WNT8A: variants seen among roughly 807,000 people sequenced by gnomAD.
WNT8A encodes the protein protein Wnt-8a.
In WNT8A, 14 loss-of-function variants were observed where a neutral mutation model predicts 20.5. That is an observed-to-expected ratio of 0.68 (90% CI 0.45 to 1.07). The LOEUF is 1.07. Ranked by LOEUF, WNT8A falls within the 50% of genes least tolerant of loss-of-function variation. The probability of loss-of-function intolerance (pLI) is 0.00; values close to 1 mark genes in which losing one functional copy is unlikely to be tolerated. For synonymous variants in WNT8A, 167 were observed against 169.2 expected (o/e 0.99, Z 0.10); for missense variants, 397 against 462.9 (o/e 0.86, Z 1.31).
At chr5:138,083,836 T>A, upstream of WNT8A, 1 of 423,790 alleles carries the variant, frequency 2.4e-6, no homozygotes, top group Non-Finnish European at 4.2e-6. Context: ...CTTCTCATTC[T>A]GGGAGGGAAG....
chr5:138,091,597 C>T (rs903408655), downstream of WNT8A: 4 of 892,240 alleles, frequency 4.5e-6, no homozygotes, highest in Non-Finnish European at 6.1e-6. Context: ...TTTTTTATCC[C>T]CCAAGTATGC....
intron 4 of WNT8A, among the ~76,000 whole-genome samples, chr5:138,090,011 G>T (rs146444316): frequency 2.6e-5 from 4 of 152,198 alleles, no homozygotes; most frequent in Non-Finnish European, 1.5e-5. Flanking sequence ...CATTGCCTTG[G>T]GGGTATAAGT....
At chr5:138,092,278 G>GT (rs1334057156), downstream of WNT8A, 1 of 152,198 alleles carries the variant, frequency 6.6e-6, no homozygotes, top group African/African-American at 2.4e-5. Flanking sequence ...TGTTTGGCAG[G>GT]TAACAAAAAA....
chr5:138,084,031 T>C (rs1198268791), upstream of WNT8A: 9 of 1,528,832 alleles, frequency 5.9e-6, no homozygotes, highest in Non-Finnish European at 8.1e-6. Flanking sequence ...CCCTGCCCTC[T>C]CCTCACTTCT....
rs1750831173 is a variant in WNT8A at position 138,090,949 on chromosome 5, G to C, written c.986G>C (p.Ser329Thr). 9.9e-6 allele frequency: 16 copies of C among 1,614,208 alleles called. No homozygotes were observed. The highest frequency in any genetic ancestry group is 1.4e-5 in the Non-Finnish European group (16 of 1,180,036). ...GAGAGGAAAACTGAGGTCATAAGCA[G>C]CTGTAACTGCAAATTCCAGTGGTGC... ...VEERKTEVISSCNCKFQWCCT... is the reference protein window; with the variant it reads ...VEERKTEVISTCNCKFQWCCT... Residue 329 changes from serine (S) to threonine (T), a missense_variant, in exon 5 of 5, where the codon AGC becomes ACC. Ser to Thr is a moderately conservative substitution (Grantham distance 58). Coordinates refer to ENST00000506684, the MANE Select transcript of WNT8A (RefSeq NM_001300939.2).
At chr5:138,083,158 G>C (rs1192165819), upstream of WNT8A, among the ~76,000 whole-genome samples, 1 of 151,914 alleles carries the variant, frequency 6.6e-6, no homozygotes, top group African/African-American at 2.4e-5. Context: ...GCTGGCACCT[G>C]TAGTCTCAGA....
intron 2 of WNT8A, among the ~76,000 whole-genome samples, chr5:138,086,927 T>G (rs938485507): frequency 1.4e-5 from 2 of 148,126 alleles, no homozygotes; most frequent in African/African-American, 5.0e-5. Context: ...GCACCTATAG[T>G]CCCAGCTACT....
intron 2 of WNT8A, among the ~76,000 whole-genome samples, chr5:138,086,879 C>CAA (rs35287315): frequency 8.3e-6 from 1 of 120,506 alleles, no homozygotes; most frequent in Non-Finnish European, 1.7e-5. Flanking sequence ...TACTAAAGAC[C>CAA]AAAAAAAAAA....
chr5:138,084,692 C>T (rs1479506202), intron 2 of WNT8A, 56 bp downstream of exon 2: 2 of 1,528,566 alleles, frequency 1.3e-6, no homozygotes, highest in Non-Finnish European at 1.8e-6. Context: ...TGGAGTGGGG[C>T]TTGCAGTATG....
In WNT8A at chr5:138,090,041, C is replaced by T. The variant is rs552435876; in HGVS notation, c.565-487C>T. ...ATAAGTGTTCAGACTCAAGGAGCTCCCTCCCCTCTCAGAGAAGACCCAGAG... is the reference window on the plus strand; with the variant it reads ...ATAAGTGTTCAGACTCAAGGAGCTCTCTCCCCTCTCAGAGAAGACCCAGAG... On this transcript the variant is annotated intron_variant, in intron 4 of 4. Transcript: ENST00000506684. 2.0e-5 allele frequency among the ~76,000 whole-genome samples: 3 copies of T among 152,238 alleles called. No individual in the cohort carries two copies. In the South Asian group the frequency reaches 6.2e-4, roughly 32 times the overall value.
intron 2 of WNT8A, 144 bp downstream of exon 2, chr5:138,084,780 G>C: frequency 8.7e-7 from 1 of 1,155,896 alleles, no homozygotes. Flanking sequence ...TCCTTGCTGT[G>C]TGGCCTTGAG....
At chr5:138,088,359 CT>C (rs36126596) in intron 3 of WNT8A, among the ~76,000 whole-genome samples, 314 of 140,520 alleles carry the variant, frequency 2.2e-3, no homozygotes, top group Middle Eastern at 0.015. Context: ...TGCAGTGAAC[CT>C]TTTTTTTTTT....
the WNT8A span, among the ~76,000 whole-genome samples, chr5:138,078,139 G>A: frequency 1.2e-3 from 188 of 152,114 alleles, 4 homozygotes; most frequent in Middle Eastern, 0.01. Context: ...CCAAAGGGAG[G>A]GTCAGGAGCT....
upstream of WNT8A, among the ~76,000 whole-genome samples, chr5:138,080,197 C>T (rs1750466015): frequency 6.6e-6 from 1 of 151,744 alleles, no homozygotes. Context: ...GAGGCGAGCA[C>T]CTGTAATCCC....
At chr5:138,087,182 C>A (rs1228850743) in intron 2 of WNT8A, among the ~76,000 whole-genome samples, 2 of 150,470 alleles carry the variant, frequency 1.3e-5, no homozygotes, top group Non-Finnish European at 2.9e-5. Flanking sequence ...CATGGTGAAA[C>A]CCCATCTCTA....
At position 138,087,941 on chromosome 5, in the gene WNT8A, G is replaced by A. The variant is rs1244209914; in HGVS notation, c.421+10G>A. The A allele has an allele frequency of 2.5e-6, 4 of 1,613,192 alleles. No individual in the cohort carries two copies. Among genetic ancestry groups the A allele is most frequent in the South Asian group, 1.1e-5 (1 of 91,066 alleles). On this transcript the variant is annotated intron_variant, in intron 3 of 4. Coordinates refer to ENST00000506684, the MANE Select transcript of WNT8A (RefSeq NM_001300939.2). Reference sequence around the variant, plus strand: ...AACAATGGAAAAACAGGTAAGTTGAGCTTTCTAATGGGGGTGGGAAGAGGT... The same window carrying A: ...AACAATGGAAAAACAGGTAAGTTGAACTTTCTAATGGGGGTGGGAAGAGGT...
rs570741196 is a variant in WNT8A at position 138,091,026 on chromosome 5, G to T, written c.1063G>T (p.Ala355Ser). ...CRHVVSKYYCARSPGSAQSLG... is the reference protein window; with the variant it reads ...CRHVVSKYYCSRSPGSAQSLG... Reference sequence around the variant, plus strand: ...GCATGTGGTGAGCAAGTATTACTGCGCACGCTCCCCAGGCAGTGCCCAGTC... The same window carrying T: ...GCATGTGGTGAGCAAGTATTACTGCTCACGCTCCCCAGGCAGTGCCCAGTC... Residue 355 changes from alanine (A) to serine (S), a missense_variant, in exon 5 of 5, where the codon GCA becomes TCA. By Grantham distance (99) the Ala-to-Ser change is moderately conservative. Coordinates refer to ENST00000506684, the MANE Select transcript of WNT8A (RefSeq NM_001300939.2). 1 of 1,613,810 alleles carries T rather than the reference G, an allele frequency of 6.2e-7. No individual in the cohort carries two copies. The highest frequency in any genetic ancestry group is 1.3e-5 in the African/African-American group (1 of 74,886).
At chr5:138,085,764 G>T (rs1022632993) in intron 2 of WNT8A, among the ~76,000 whole-genome samples, 2 of 150,664 alleles carry the variant, frequency 1.3e-5, no homozygotes, top group Non-Finnish European at 2.9e-5. Context: ...TGAGTTGGGA[G>T]GATTTCTGGA....
intron 2 of WNT8A, among the ~76,000 whole-genome samples, chr5:138,086,349 C>G (rs1171937307): frequency 6.6e-6 from 1 of 152,062 alleles, no homozygotes; most frequent in Non-Finnish European, 1.5e-5. Context: ...TCCTGAGTAG[C>G]TGGGACTATA....
Sources: gnomAD v4.1 joint callset for allele counts (sites outside exome capture counted in the v4.1 genomes callset) on GRCh38, gnomAD v4.1.1 for gene constraint, MANE v1.5 for transcripts, NCBI Gene and HGNC (gene_info 2026-07-23, HGNC 2026-07-21) for gene names.